SPOCK2: variants seen among roughly 807,000 people sequenced by gnomAD.
The protein encoded by SPOCK2 is SPARC (osteonectin), cwcv and kazal like domains proteoglycan 2, also known as testican-2.
A neutral mutation model predicts 60.1 loss-of-function variants in SPOCK2; 39 were observed. The observed-to-expected ratio is 0.65, with a 90% CI of 0.50 to 0.85. The LOEUF (loss-of-function observed/expected upper bound fraction) is 0.85. Ranked by LOEUF, SPOCK2 falls within the 40% of genes least tolerant of loss-of-function variation. The pLI is 0.00. For synonymous variants in SPOCK2, 217 were observed against 231.5 expected (o/e 0.94, Z 0.57); for missense variants, 523 against 567.4 (o/e 0.92, Z 0.80).
chr10:72,069,413 C>T (rs553774265), intron 5 of SPOCK2, among the ~76,000 whole-genome samples: 69 of 152,190 alleles, frequency 4.5e-4, no homozygotes, highest in Non-Finnish European at 8.1e-4. Context: ...AAGCAATTCC[C>T]GACTCCTTGT....
rs1010577669 is a variant in SPOCK2, at chr10:72,070,481, A to T, written c.360-55T>A. On this transcript the variant is annotated intron_variant, in intron 4 of 10. Coordinates refer to ENST00000373109, the MANE Select transcript of SPOCK2 (RefSeq NM_001244950.2). ...GTGGAAGTGACAATGAGGAAGGAGC[A>T]GGGGAAGGGAGGGCTGAGCAGACCT... 4 of 1,539,818 alleles carry T rather than the reference A, an allele frequency of 2.6e-6. No individual in the cohort carries two copies. In the African/African-American group the frequency reaches 5.4e-5, roughly 21 times the overall value.
intron 1 of SPOCK2, 37 bp from the exon 2 acceptor site, chr10:72,072,947 G>A (rs547037209): frequency 2.2e-5 from 34 of 1,553,014 alleles, no homozygotes; most frequent in South Asian, 5.9e-5. Context: ...CATGGAAAAC[G>A]GAGCAGGAAG....
rs369919356 is a variant in SPOCK2, at chr10:72,072,180, C to G, written c.323G>C (p.Arg108Pro). 2.6e-6 allele frequency: 4 copies of G among 1,547,552 alleles called. No individual in the cohort carries two copies. The African/African-American group carries it at 5.5e-5, about 21-fold the overall frequency. ...CTTCTTGCGACTGATGCACATGGCC[C>G]GCTGGTAGCCCTGGGCAATGCACAC... ...HKVCIAQGYQ[R>P]AMCISRKKLE... is the part of the protein sequence containing the mutation. Residue 108 changes from arginine (R) to proline (P), a missense_variant, in exon 4 of 11, where the codon CGG (arginine) becomes CCG (proline). By Grantham distance (103) the Arg-to-Pro change is moderately radical. Coordinates refer to ENST00000373109, the MANE Select transcript of SPOCK2 (RefSeq NM_001244950.2).
chr10:72,067,525 C>T, intron 7 of SPOCK2, 88 bp downstream of exon 7: 1 of 1,575,606 alleles, frequency 6.3e-7, no homozygotes, highest in Non-Finnish European at 8.6e-7. Flanking sequence ...CAGGAAGGAA[C>T]AAGGGCAGAC....
intron 1 of SPOCK2, among the ~76,000 whole-genome samples, chr10:72,083,181 C>A (rs1437327494): frequency 6.6e-6 from 1 of 152,214 alleles, no homozygotes; most frequent in Admixed American, 6.5e-5. Context: ...CTCCCCTAAT[C>A]TGGTCACAGG....
intron 1 of SPOCK2, 80 bp downstream of exon 1, chr10:72,088,060 C>A: frequency 6.5e-7 from 1 of 1,537,890 alleles, no homozygotes; most frequent in South Asian, 1.2e-5. Context: ...CGACGTGCGG[C>A]GGCCGCTCCC....
chr10:72,072,357 G>A (rs1245807660), intron 3 of SPOCK2, 99 bp from the exon 4 acceptor site: 31 of 1,463,544 alleles, frequency 2.1e-5, no homozygotes, highest in Non-Finnish European at 2.8e-5. Flanking sequence ...AGCAGCCCTT[G>A]ATAACCAGAG....
rs770205958 is a variant in SPOCK2, at chr10:72,067,694, G to A, written c.628C>T (p.Arg210Trp). ...TGQDLADLGD[R>W]LRDWFQLLHE... ...AGGAGCTGGAACCAGTCCCGCAGCC[G>A]ATCTCCCAGGTCAGCCAGGTCCTGA... Residue 210 changes from arginine (R) to tryptophan (W), a missense_variant, in exon 7 of 11, where the codon CGG becomes TGG. Transcript: ENST00000373109. 6 of 1,613,648 alleles carry A rather than the reference G, an allele frequency of 3.7e-6. No individual in the cohort carries two copies. The highest frequency in any genetic ancestry group is 2.2e-5 in the East Asian group (1 of 44,894).
chr10:72,080,512 A>C (rs1840768765), intron 1 of SPOCK2, among the ~76,000 whole-genome samples: 1 of 152,058 alleles, frequency 6.6e-6, no homozygotes, highest in South Asian at 2.1e-4. Context: ...GGTGGGGCCC[A>C]GTGGGGACAC....
intron 7 of SPOCK2, 28 bp from the exon 8 acceptor site, chr10:72,067,148 T>C: frequency 1.3e-6 from 2 of 1,596,298 alleles, no homozygotes; most frequent in Non-Finnish European, 1.7e-6. Flanking sequence ...TCAGGCACGC[T>C]TCATCTGGCT....
chr10:72,082,727 G>A (rs1286028282), intron 1 of SPOCK2, among the ~76,000 whole-genome samples: 2 of 151,878 alleles, frequency 1.3e-5, no homozygotes, highest in Non-Finnish European at 2.9e-5. Flanking sequence ...GGTGGTGTGT[G>A]CCTGTGATCC....
intron 4 of SPOCK2, among the ~76,000 whole-genome samples, chr10:72,071,435 C>A (rs1170964890): frequency 6.6e-6 from 1 of 152,154 alleles, no homozygotes; most frequent in Non-Finnish European, 1.5e-5. Context: ...GTGATCCACC[C>A]GCCTTGGCTT....
At chr10:72,064,123 A>G (rs1465548779) in intron 9 of SPOCK2, 55 bp downstream of exon 9, 1 of 1,591,388 alleles carries the variant, frequency 6.3e-7, no homozygotes, top group Non-Finnish European at 8.6e-7. Flanking sequence ...GGTCTCAGAC[A>G]AACCCAGGAA....
At chr10:72,070,504 C>T (rs1840632069) in intron 4 of SPOCK2, 78 bp from the exon 5 acceptor site, 1 of 1,378,648 alleles carries the variant, frequency 7.3e-7, no homozygotes, top group Non-Finnish European at 1.0e-6. Context: ...GCTGAGCAGA[C>T]CTGTTCCAAC....
Position 72,067,605 on chromosome 10 carries a change from C to T in SPOCK2, c.709+8G>A, listed in dbSNP as rs951655056. 3.7e-6 allele frequency: 6 copies of T among 1,612,020 alleles called. No homozygotes were observed. Among genetic ancestry groups the T allele is most frequent in the Non-Finnish European group, 5.1e-6 (6 of 1,180,000 alleles). The stretch of plus-strand genomic sequence containing the variant: ...TCCCTCCTCCAGGCAGAGCAGCAAG[C>T]TTCCTACCGCTGGCCGGGCCGGCTA... On this transcript the variant is annotated splice_region_variant and intron_variant, in intron 7 of 10. Coordinates refer to ENST00000373109, the MANE Select transcript of SPOCK2 (RefSeq NM_001244950.2).
intron 8 of SPOCK2, among the ~76,000 whole-genome samples, 153 bp downstream of exon 8, chr10:72,066,749 C>A (rs1840573352): frequency 6.6e-6 from 1 of 152,106 alleles, no homozygotes; most frequent in Admixed American, 6.5e-5. Flanking sequence ...AGGGATGAAG[C>A]CCTAAGGGAG....
At position 72,062,805 on chromosome 10, in the gene SPOCK2, C is replaced by G. The variant is rs1168150953; in HGVS notation, c.1230G>C (p.Glu410Asp). ...TEEAGEEAEE[E>D]EGEAGEADDG... Reference sequence around the variant, plus strand: ...CGTCAGCCTCGCCTGCCTCGCCCTCCTCCTCCTCGGCCTCCTCGCCTGCTT... The same window carrying G: ...CGTCAGCCTCGCCTGCCTCGCCCTCGTCCTCCTCGGCCTCCTCGCCTGCTT... Residue 410 changes from glutamate (E) to aspartate (D), a missense_variant, in exon 11 of 11, where the codon GAG becomes GAC. Coordinates refer to ENST00000373109, the MANE Select transcript of SPOCK2 (RefSeq NM_001244950.2). The surrounding 1 kb of genome is among the most constrained non-coding windows in gnomAD (Gnocchi z 4.3). 3.1e-6 allele frequency: 5 copies of G among 1,610,088 alleles called. No individual in the cohort carries two copies. Among genetic ancestry groups the G allele is most frequent in the Non-Finnish European group, 4.2e-6 (5 of 1,179,912 alleles).
intron 2 of SPOCK2, 50 bp from the exon 3 acceptor site, chr10:72,072,598 C>A: frequency 6.2e-7 from 1 of 1,612,340 alleles, no homozygotes; most frequent in Non-Finnish European, 8.5e-7. Context: ...AGATCCATAT[C>A]CCAGAGGTTC....
At chr10:72,079,270 G>A (rs543253526) in intron 1 of SPOCK2, among the ~76,000 whole-genome samples, 1 of 152,106 alleles carries the variant, frequency 6.6e-6, no homozygotes, top group South Asian at 2.1e-4. Flanking sequence ...GCCAGGGGTG[G>A]GTCCCAGGAG....
Sources: gnomAD v4.1 joint callset for allele counts (sites outside exome capture counted in the v4.1 genomes callset) on GRCh38, gnomAD v4.1.1 for gene constraint, Gnocchi (gnomAD v3.1) non-coding constraint, MANE v1.5 for transcripts, NCBI Gene and HGNC (gene_info 2026-07-23, HGNC 2026-07-21) for gene names.